The following RBMS3 variants were observed in gnomAD, a reference collection of about 807,000 sequenced individuals.
The protein encoded by RBMS3 is RNA binding motif single stranded interacting protein 3.
A neutral mutation model predicts 66.8 loss-of-function variants in RBMS3; 27 were observed. The ratio of observed to expected loss-of-function variants is 0.40; its 90% CI spans 0.30 to 0.56. The LOEUF (loss-of-function observed/expected upper bound fraction) is 0.56, where lower values mean the gene tolerates loss of function less well. Among genes scored for constraint, RBMS3 ranks in the 20% least tolerant of loss-of-function variants. RBMS3 has a pLI of 0.40. For synonymous variants in RBMS3, 188 were observed against 183.0 expected (o/e 1.03, Z -0.22); for missense variants, 513 against 549.5 (o/e 0.93, Z 0.66).
intron 4 of RBMS3, among the ~76,000 whole-genome samples, chr3:29,716,639 A>G (rs1002579741): frequency 5.3e-5 from 8 of 152,158 alleles, no homozygotes; most frequent in Non-Finnish European, 1.2e-4. Context: ...ATTCCTTGTT[A>G]TATATAAGTA....
At chr3:29,329,839 T>G (rs2035549776) in intron 1 of RBMS3, among the ~76,000 whole-genome samples, 1 of 148,028 alleles carries the variant, frequency 6.8e-6, no homozygotes, top group Non-Finnish European at 1.5e-5. Flanking sequence ...ATAAATCATG[T>G]GAAAAATTTT....
At chr3:29,449,401 T>C (rs953704837) in intron 2 of RBMS3, among the ~76,000 whole-genome samples, 2 of 152,206 alleles carry the variant, frequency 1.3e-5, no homozygotes. Context: ...TAAAACCACA[T>C]TTCAAATGGA....
At chr3:29,438,594 A>G (rs562068495) in intron 2 of RBMS3, among the ~76,000 whole-genome samples, 37 of 152,224 alleles carry the variant, frequency 2.4e-4, no homozygotes, top group Non-Finnish European at 5.1e-4. Context: ...CAATAAATAT[A>G]AAGAATGATT....
chr3:29,943,687 C>A (rs1446970006), intron 11 of RBMS3, among the ~76,000 whole-genome samples: 1 of 151,816 alleles, frequency 6.6e-6, no homozygotes, highest in Non-Finnish European at 1.5e-5. Context: ...GCCTCACTGA[C>A]AACCACTGGG....
intron 6 of RBMS3, among the ~76,000 whole-genome samples, chr3:29,830,704 T>C (rs1221514319): frequency 6.6e-6 from 1 of 152,134 alleles, no homozygotes; most frequent in East Asian, 1.9e-4. Context: ...ACAGTAGAAG[T>C]TTTATTCTCT....
At chr3:29,456,539 A>G (rs2042197287) in intron 2 of RBMS3, among the ~76,000 whole-genome samples, 1 of 152,212 alleles carries the variant, frequency 6.6e-6, no homozygotes, top group African/African-American at 2.4e-5. Context: ...GCCACTGGAT[A>G]TATTATGTAC....
intron 3 of RBMS3, among the ~76,000 whole-genome samples, chr3:29,578,834 G>A (rs1175313473): frequency 9.4e-6 from 1 of 106,918 alleles, no homozygotes; most frequent in African/African-American, 4.4e-5. Context: ...TCGCTCTGTC[G>A]CCCAGGTCGG....
At chr3:30,003,337 C>G (rs1699695318) in intron 14 of RBMS3, among the ~76,000 whole-genome samples, 1 of 151,956 alleles carries the variant, frequency 6.6e-6, no homozygotes, top group Non-Finnish European at 1.5e-5. Context: ...ATAGTTCCTG[C>G]TCTCACAAAT....
chr3:29,651,972 C>G (rs1402483833), intron 4 of RBMS3, among the ~76,000 whole-genome samples: 1 of 152,088 alleles, frequency 6.6e-6, no homozygotes, highest in African/African-American at 2.4e-5. Context: ...CAACTTAAAA[C>G]TTAACTGTAG....
At chr3:29,438,288 G>A (rs2041478756) in intron 2 of RBMS3, among the ~76,000 whole-genome samples, 1 of 152,020 alleles carries the variant, frequency 6.6e-6, no homozygotes, top group Admixed American at 6.6e-5. Flanking sequence ...TATAGGAAAT[G>A]CAATATTTGC....
chr3:29,866,077 TA>T (rs35591949), intron 6 of RBMS3, among the ~76,000 whole-genome samples: 1,313 of 105,576 alleles, frequency 0.012, 16 homozygotes, highest in Middle Eastern at 0.065. Flanking sequence ...CACCAAATAC[TA>T]AAAAAAAAAA....
intron 6 of RBMS3, among the ~76,000 whole-genome samples, chr3:29,821,442 T>C (rs556889514): frequency 6.6e-6 from 1 of 152,248 alleles, no homozygotes; most frequent in South Asian, 2.1e-4. Context: ...GTTTTTTACA[T>C]GACTCCCAAA....
chr3:29,828,847 A>C (rs918394910), intron 6 of RBMS3, among the ~76,000 whole-genome samples: 2 of 152,154 alleles, frequency 1.3e-5, no homozygotes, highest in Admixed American at 6.5e-5. Context: ...CCTGGCAATC[A>C]ATTTGCATAC....
intron 3 of RBMS3, among the ~76,000 whole-genome samples, chr3:29,509,169 G>A (rs2044299409): frequency 6.6e-6 from 1 of 151,188 alleles, no homozygotes; most frequent in Non-Finnish European, 1.5e-5. Flanking sequence ...TACTCCATGT[G>A]AATAGCATCT....
At chr3:29,746,225 T>C (rs1027479690) in intron 5 of RBMS3, among the ~76,000 whole-genome samples, 1 of 152,228 alleles carries the variant, frequency 6.6e-6, no homozygotes, top group Non-Finnish European at 1.5e-5. Flanking sequence ...TTTGGAATTG[T>C]TTGGAGTATT....
chr3:29,877,590 T>C (rs1178427599), intron 7 of RBMS3, among the ~76,000 whole-genome samples: 1 of 152,184 alleles, frequency 6.6e-6, no homozygotes, highest in Non-Finnish European at 1.5e-5. Flanking sequence ...TTTATGATCT[T>C]ATTTGTAGTT....
Position 29,484,299 on chromosome 3 carries a change from A to G in RBMS3, c.249-4142A>G, listed in dbSNP as rs116787044. ...ACAGACTGGGTGGCTTCATGAAAAT[A>G]TATTTTCTCACAGTTTTGAAGTGGG... On this transcript the variant is annotated intron_variant, in intron 2 of 14. Coordinates refer to ENST00000383767, the MANE Select transcript of RBMS3 (RefSeq NM_001003793.3). Among the ~76,000 whole-genome samples the G allele has an allele frequency of 6.2e-3, 949 of 152,310 alleles. 4 individuals carry two copies. Among genetic ancestry groups the G allele is most frequent in the Middle Eastern group, 6.8e-3 (2 of 294 alleles).
At chr3:29,722,112 TA>T (rs2053666776) in intron 4 of RBMS3, among the ~76,000 whole-genome samples, 1 of 152,212 alleles carries the variant, frequency 6.6e-6, no homozygotes, top group African/African-American at 2.4e-5. Flanking sequence ...ATTTCTTTTA[TA>T]AGGTAAAGCA....
intron 3 of RBMS3, among the ~76,000 whole-genome samples, chr3:29,510,209 A>G (rs886444006): frequency 2.0e-4 from 30 of 152,328 alleles, no homozygotes; most frequent in South Asian, 6.2e-4. Context: ...TGAATTTCTC[A>G]GTATAGATTT....
Sources: allele counts gnomAD v4.1 joint callset (sites outside exome capture counted in the v4.1 genomes callset), GRCh38; gene constraint gnomAD v4.1.1; transcripts MANE v1.5; gene names NCBI Gene and HGNC (gene_info 2026-07-23, HGNC 2026-07-21).